Variants in LRRC74B observed in about 807,000 individuals in gnomAD.
The protein encoded by LRRC74B is leucine-rich repeat-containing protein 74B.
Under a neutral mutation model 16.6 loss-of-function variants are expected in LRRC74B, and 30 were observed. The ratio of observed to expected loss-of-function variants is 1.80; its 90% confidence interval spans 1.35 to 2.45. The LOEUF (loss-of-function observed/expected upper bound fraction) is 2.45, where lower values mean the gene tolerates loss of function less well. Ranked by LOEUF, LRRC74B falls within the 30% of genes most tolerant of loss-of-function variation. The pLI is 0.00. For missense variants in LRRC74B, 326 were observed against 202.4 expected, an observed-to-expected ratio of 1.61 and a Z score of -3.71; for synonymous variants, 134 against 86.0, an observed-to-expected ratio of 1.56 and a Z score of -3.09.
At chr22:21,052,380 G>A (rs1189656141) in intron 5 of LRRC74B, 22 bp downstream of exon 5, 45 of 716,924 alleles carry the variant, frequency 6.3e-5, no homozygotes, top group East Asian at 8.0e-5. Flanking sequence ...CCACCTAGTC[G>A]GCCCTACAGC....
chr22:21,048,794 AC>A, intron 3 of LRRC74B, 156 bp from the exon 4 acceptor site: 1 of 607,292 alleles, frequency 1.6e-6, no homozygotes, highest in Non-Finnish European at 3.0e-6. Flanking sequence ...GGCAGAGGGG[AC>A]CCAGCCATTG....
rs376995422 is a variant in LRRC74B at position 21,058,907 on chromosome 22, A to G, written c.1024-1466A>G. Among the ~76,000 whole-genome samples the G allele has an allele frequency of 4.3e-4, 66 of 152,332 alleles. 1 individual carries two copies. The highest frequency in any genetic ancestry group is 3.1e-3 in the East Asian group (16 of 5,180). ...TTGGGACCAAATCCTGTGTCTATCA[A>G]TGTGAGATCCTGGACAAGATTCTGA... On this transcript the variant is annotated intron_variant, in intron 8 of 8. Coordinates refer to ENST00000442047, the Ensembl canonical transcript of LRRC74B.
At chr22:21,049,235 C>A (rs1271169060) in intron 4 of LRRC74B, 78 bp downstream of exon 4, 1 of 617,372 alleles carries the variant, frequency 1.6e-6, no homozygotes. Flanking sequence ...GGCAGGACCG[C>A]GCTGCACATC....
At chr22:21,052,193 A>G (rs745519197) in intron 4 of LRRC74B, 56 bp from the exon 5 acceptor site, 51 of 714,368 alleles carry the variant, frequency 7.1e-5, no homozygotes, top group Non-Finnish European at 1.3e-4. Context: ...CATCAGTGTG[A>G]TCTTTTGAAG....
At chr22:21,047,255 T>G in intron 1 of LRRC74B, 101 bp from the exon 2 acceptor site, 3 of 632,902 alleles carry the variant, frequency 4.7e-6, no homozygotes, top group Non-Finnish European at 8.8e-6. Context: ...AAGCAGTGCT[T>G]CTAGAGGCAA....
intron 8 of LRRC74B, among the ~76,000 whole-genome samples, chr22:21,060,053 C>T (rs1192341902): frequency 6.6e-6 from 1 of 151,998 alleles, no homozygotes; most frequent in Non-Finnish European, 1.5e-5. Context: ...GTAGTCCCTG[C>T]TATTCTGGAG....
exon 1 of LRRC74B, chr22:21,046,029 AAAG>A (rs1184777549): frequency 1.4e-6 from 1 of 717,522 alleles, no homozygotes; most frequent in Admixed American, 2.0e-5. Context: ...TGAAGAGCAG[AAAG>A]AAGAGGCTAT....
intron 6 of LRRC74B, among the ~76,000 whole-genome samples, chr22:21,054,729 C>T (rs5762105): frequency 0.16 from 24,240 of 152,130 alleles, 2,113 homozygotes; most frequent in South Asian, 0.28. Flanking sequence ...AGTTTGGGAA[C>T]GGCAGGAGGA....
intron 8 of LRRC74B, among the ~76,000 whole-genome samples, chr22:21,058,106 G>A (rs1301894845): frequency 6.7e-6 from 1 of 148,582 alleles, no homozygotes. Flanking sequence ...TCACCAGGTT[G>A]GCCAGGCTGG....
At chr22:21,049,472 A>G (rs1178759647) in intron 4 of LRRC74B, 5 of 293,580 alleles carry the variant, frequency 1.7e-5, no homozygotes, top group Non-Finnish European at 3.2e-5. Flanking sequence ...TATTGGTGCT[A>G]CAAAAGAAAC....
At chr22:21,048,075 C>T (rs1415138247) in intron 3 of LRRC74B, 59 bp downstream of exon 3, 1 of 712,446 alleles carries the variant, frequency 1.4e-6, no homozygotes, top group Middle Eastern at 2.3e-4. Flanking sequence ...CAGGGATGTG[C>T]CTCCATCGTT....
In LRRC74B at chr22:21,056,840, C is replaced by T. The variant is rs1358004051; in HGVS notation, c.928-265C>T. On this transcript the variant is annotated intron_variant, in intron 7 of 8. Transcript: ENST00000442047. Reference sequence around the variant, plus strand: ...TTTCATGATGCTTCCTTTCCCTCCCCTCTCCCCAGCAGGCAAGTTCTTAAA... The same window carrying T: ...TTTCATGATGCTTCCTTTCCCTCCCTTCTCCCCAGCAGGCAAGTTCTTAAA... The T allele has an allele frequency of 1.4e-5, 6 of 431,894 alleles. No homozygotes were observed. The Admixed American group carries it at 2.0e-4, about 14-fold the overall frequency. 26.8% of individuals were successfully genotyped at this position (431,894 alleles called of 1,614,324 possible).
downstream of LRRC74B, chr22:21,063,725 A>G (rs1248730692): frequency 6.6e-6 from 1 of 152,252 alleles, no homozygotes; most frequent in Admixed American, 6.6e-5. Flanking sequence ...CTGTAATCCC[A>G]GCTCTTTGGG....
At chr22:21,058,471 G>C (rs182998983) in intron 8 of LRRC74B, among the ~76,000 whole-genome samples, 68 of 152,086 alleles carry the variant, frequency 4.5e-4, no homozygotes, top group African/African-American at 1.4e-3. Flanking sequence ...CTATGATTGT[G>C]CCACTGCACT....
At chr22:21,056,027 C>T (rs1930495704) in intron 7 of LRRC74B, among the ~76,000 whole-genome samples, 1 of 152,168 alleles carries the variant, frequency 6.6e-6, no homozygotes, top group African/African-American at 2.4e-5. Flanking sequence ...CTCCCACCTT[C>T]TGCAGGGGCT....
intron 8 of LRRC74B, among the ~76,000 whole-genome samples, chr22:21,059,533 C>G (rs867392347): frequency 6.6e-6 from 1 of 152,124 alleles, no homozygotes; most frequent in African/African-American, 2.4e-5. Flanking sequence ...TGCATTCCAG[C>G]CTGGGTGACA....
chr22:21,052,111 A>C (rs1248451336), intron 4 of LRRC74B, 138 bp from the exon 5 acceptor site: 1 of 641,240 alleles, frequency 1.6e-6, no homozygotes, highest in Non-Finnish European at 2.9e-6. Flanking sequence ...GAGTTCCTTA[A>C]GGGCACCGCA....
At chr22:21,053,173 C>T (rs1197069377) in intron 5 of LRRC74B, among the ~76,000 whole-genome samples, 187 bp from the exon 6 acceptor site, 1 of 152,208 alleles carries the variant, frequency 6.6e-6, no homozygotes, top group Non-Finnish European at 1.5e-5. Context: ...CTGTTGACCA[C>T]CATCATCCAA....
chr22:21,048,624 G>A, intron 3 of LRRC74B: 1 of 367,930 alleles, frequency 2.7e-6, no homozygotes. Context: ...TGGCAACGGG[G>A]CTGTGAGGGC....
Sources: allele counts gnomAD v4.1 joint callset (sites outside exome capture counted in the v4.1 genomes callset), GRCh38; gene constraint gnomAD v4.1.1; transcripts MANE v1.5; gene names NCBI Gene and HGNC (gene_info 2026-07-23, HGNC 2026-07-21).